LRRC4C: variants seen among roughly 807,000 people sequenced by gnomAD.
LRRC4C encodes leucine rich repeat containing 4C.
Under a neutral mutation model 33.6 loss-of-function variants are expected in LRRC4C, and 5 were observed. The observed-to-expected ratio is 0.15, with a 90% confidence interval of 0.08 to 0.31. The LOEUF is 0.31. Among genes scored for constraint, LRRC4C ranks in the 10% least tolerant of loss-of-function variants. The pLI, the probability that LRRC4C is intolerant of heterozygous loss-of-function variation, is 1.00. For synonymous variants in LRRC4C, 329 were observed against 302.0 expected, an observed-to-expected ratio of 1.09 and a Z score of -0.93; for missense variants, 560 against 796.7, an observed-to-expected ratio of 0.70 and a Z score of 3.58.
chr11:40,721,161 C>T (rs1439749441), intron 2 of LRRC4C, among the ~76,000 whole-genome samples: 2 of 152,120 alleles, frequency 1.3e-5, no homozygotes, highest in Admixed American at 6.5e-5. Flanking sequence ...CCAAATTTAT[C>T]TATTAAAATC....
intron 3 of LRRC4C, among the ~76,000 whole-genome samples, chr11:40,629,122 T>A (rs1168407491): frequency 6.6e-6 from 1 of 152,210 alleles, no homozygotes; most frequent in Non-Finnish European, 1.5e-5. Flanking sequence ...GTATTATGTG[T>A]AGAAGATAAA....
At chr11:40,409,610 G>C (rs757783913) in intron 3 of LRRC4C, among the ~76,000 whole-genome samples, 26 of 151,940 alleles carry the variant, frequency 1.7e-4, no homozygotes, top group Non-Finnish European at 3.4e-4. Context: ...TCTCACAAAC[G>C]ACCAATAGGT....
At chr11:40,735,906 C>A (rs993184178) in intron 2 of LRRC4C, among the ~76,000 whole-genome samples, 2 of 151,366 alleles carry the variant, frequency 1.3e-5, no homozygotes, top group African/African-American at 4.9e-5. Flanking sequence ...TCTCTGATGG[C>A]CAGTGATGGT....
chr11:40,839,304 G>A (rs184922356), intron 2 of LRRC4C, among the ~76,000 whole-genome samples: 91 of 151,892 alleles, frequency 6.0e-4, no homozygotes, highest in African/African-American at 2.1e-3. Flanking sequence ...GCACAATCTC[G>A]GCTTACTGCA....
At chr11:40,588,600 T>C (rs1170366318) in intron 3 of LRRC4C, among the ~76,000 whole-genome samples, 19 of 152,050 alleles carry the variant, frequency 1.2e-4, no homozygotes, top group Middle Eastern at 3.4e-3. Context: ...TCCTGCTTTC[T>C]CTTGTGGGTA....
At chr11:40,218,692 AATCTATCT>A (rs3041085) in intron 5 of LRRC4C, among the ~76,000 whole-genome samples, 8,953 of 140,054 alleles carry the variant, frequency 0.064, 388 homozygotes, top group African/African-American at 0.12. Context: ...AATGATAAAG[AATCTATCT>A]ATCTATCTAT....
intron 3 of LRRC4C, among the ~76,000 whole-genome samples, chr11:40,479,802 T>C (rs1590867500): frequency 6.6e-6 from 1 of 152,168 alleles, no homozygotes; most frequent in African/African-American, 2.4e-5. Flanking sequence ...GGTAACCACA[T>C]AGTTTTCTTT....
intron 3 of LRRC4C, among the ~76,000 whole-genome samples, chr11:40,478,957 C>T (rs1401432667): frequency 6.6e-6 from 1 of 152,104 alleles, no homozygotes; most frequent in Non-Finnish European, 1.5e-5. Flanking sequence ...GAGAAGGAAA[C>T]TATTAACTTT....
chr11:40,795,529 C>A (rs1317437916), intron 2 of LRRC4C, among the ~76,000 whole-genome samples: 2 of 151,124 alleles, frequency 1.3e-5, no homozygotes, highest in East Asian at 1.9e-4. Context: ...GACTCCGTCT[C>A]AAAATAAATA....
intron 2 of LRRC4C, among the ~76,000 whole-genome samples, chr11:40,668,497 G>A (rs1379343881): frequency 6.6e-6 from 1 of 152,126 alleles, no homozygotes; most frequent in Non-Finnish European, 1.5e-5. Context: ...AAGGGAAGAA[G>A]GCGTATCTTA....
intron 1 of LRRC4C, among the ~76,000 whole-genome samples, chr11:41,451,373 T>TATAGA (rs1300352750): frequency 6.6e-6 from 1 of 151,768 alleles, no homozygotes; most frequent in Non-Finnish European, 1.5e-5. Context: ...TAGATATAGA[T>TATAGA]TTTGTGTGTG....
intron 1 of LRRC4C, among the ~76,000 whole-genome samples, chr11:41,327,044 G>C (rs553785770): frequency 6.6e-6 from 1 of 152,238 alleles, no homozygotes; most frequent in African/African-American, 2.4e-5. Flanking sequence ...CTATTTGTGA[G>C]CCTCAGAGGC....
chr11:40,588,112 C>G (rs943371278), intron 3 of LRRC4C, among the ~76,000 whole-genome samples: 19 of 151,340 alleles, frequency 1.3e-4, no homozygotes, highest in Admixed American at 1.3e-3. Context: ...GTCCTGGACT[C>G]TTTTTGGTTG....
At position 41,344,335 on chromosome 11, in the gene LRRC4C, T is replaced by C. The variant is rs367681541; in HGVS notation, c.-496+115096A>G. On this transcript the variant is annotated intron_variant, in intron 1 of 6. Transcript: ENST00000528697. ...TCCCGGGTTCATGCCATTCTCCTGC[T>C]TCAGCCTCCCGAGTAGCTGGGAGTA... 2.1e-3 allele frequency among the ~76,000 whole-genome samples: 311 copies of C among 151,264 alleles called. 1 individual carries two copies. Among genetic ancestry groups the C allele is most frequent in the African/African-American group, 7.1e-3 (292 of 41,284 alleles).
At chr11:40,833,407 T>C (rs1952508128) in intron 2 of LRRC4C, among the ~76,000 whole-genome samples, 1 of 152,146 alleles carries the variant, frequency 6.6e-6, no homozygotes, top group Non-Finnish European at 1.5e-5. Context: ...CAAGTATATA[T>C]TTTATTTCAG....
chr11:41,433,603 A>C (rs1422658260), intron 1 of LRRC4C, among the ~76,000 whole-genome samples: 1 of 152,104 alleles, frequency 6.6e-6, no homozygotes, highest in Non-Finnish European at 1.5e-5. Context: ...GCAGACAGAA[A>C]AACATGAAAA....
At chr11:40,260,410 AG>A (rs1384750888) in intron 4 of LRRC4C, among the ~76,000 whole-genome samples, 1 of 136,276 alleles carries the variant, frequency 7.3e-6, no homozygotes, top group Non-Finnish European at 1.6e-5. Context: ...GTTGTGGGTT[AG>A]GGGGAGGGGG....
At chr11:40,643,925 C>T (rs1421367234) in intron 3 of LRRC4C, among the ~76,000 whole-genome samples, 1 of 152,060 alleles carries the variant, frequency 6.6e-6, no homozygotes, top group African/African-American at 2.4e-5. Flanking sequence ...TAATATCATA[C>T]TCAAAATGTC....
At chr11:40,805,728 A>G (rs1951218093) in intron 2 of LRRC4C, among the ~76,000 whole-genome samples, 1 of 152,172 alleles carries the variant, frequency 6.6e-6, no homozygotes, top group African/African-American at 2.4e-5. Flanking sequence ...TATATCTGTT[A>G]TGATTCTAGT....
Sources: allele counts gnomAD v4.1 joint callset (sites outside exome capture counted in the v4.1 genomes callset), GRCh38; gene constraint gnomAD v4.1.1; transcripts MANE v1.5; gene names NCBI Gene and HGNC (gene_info 2026-07-23, HGNC 2026-07-21).